Variants in SPACA6 observed in about 807,000 individuals in gnomAD.
The protein encoded by SPACA6 is sperm acrosome associated 6.
For synonymous variants in SPACA6, 6 were observed against 1.5 expected, an observed-to-expected ratio of 4.05 and a Z score of -2.21; for missense variants, 8 against 2.8, an observed-to-expected ratio of 2.88 and a Z score of -1.34.
intron 1 of SPACA6, 117 bp from the exon 2 acceptor site, chr19:51,694,359 CAG>C (rs2083407547): frequency 2.5e-6 from 1 of 397,694 alleles, no homozygotes; most frequent in Non-Finnish European, 4.4e-6. Flanking sequence ...GGCAAAGAGT[CAG>C]AGAGGGGAGG....
At chr19:51,695,658 GC>G (rs1047981198) in intron 2 of SPACA6, among the ~76,000 whole-genome samples, 2 of 152,206 alleles carry the variant, frequency 1.3e-5, no homozygotes, top group Admixed American at 6.5e-5. Flanking sequence ...TCCAAGAAAT[GC>G]CCTTTCTCCC....
chr19:51,691,254 AAG>A (rs899799553), upstream of SPACA6, among the ~76,000 whole-genome samples: 3 of 150,200 alleles, frequency 2.0e-5, no homozygotes, highest in East Asian at 6.1e-4. Context: ...GAGGGGAGGA[AAG>A]AGAGAGACCT....
chr19:51,702,602 G>T (rs2083477990), intron 3 of SPACA6, 27 bp from the exon 4 acceptor site: 2 of 399,110 alleles, frequency 5.0e-6, no homozygotes, highest in Non-Finnish European at 8.8e-6. Context: ...TGACTGTAAG[G>T]TAGTGATGTT....
In SPACA6 at chr19:51,694,473, G is replaced by T. The variant is rs751625778; in HGVS notation, c.215-5G>T. 1.0e-5 allele frequency: 4 copies of T among 399,598 alleles called. No homozygotes were observed. The highest frequency in any genetic ancestry group is 2.5e-4 in the South Asian group (2 of 7,912). The allele number at this position is 399,598 out of a possible 1,614,324, so 24.8% of individuals were successfully genotyped here. A position where few individuals can be genotyped will look rare whatever the true frequency, so the allele number is the denominator to read the frequency against. ...CCCAGCCCCTGCTCCCTCCCTCACC[G>T]CCAGACTATGATGAGAGAAGCCACC... On this transcript the variant is annotated splice_region_variant and splice_polypyrimidine_tract_variant and intron_variant, in intron 1 of 8. Coordinates refer to ENST00000637797, the MANE Select transcript of SPACA6 (RefSeq NM_001316972.2).
rs2083482665 is a variant in SPACA6, at chr19:51,703,109, G to A, written c.463+11G>A. ...CGCTGGACTGCCCAGGTGAGGGGGC[G>A]GGGCCTCGGGGTGCAGGAGGCCAAC... On this transcript the variant is annotated intron_variant, in intron 5 of 8. Transcript: ENST00000637797. The surrounding 1 kb of genome is among the most constrained non-coding windows in gnomAD (Gnocchi z 4.2). The A allele has an allele frequency of 1.5e-5, 6 of 399,488 alleles. No individual in the cohort carries two copies. The South Asian group carries it at 3.8e-4, about 25-fold the overall frequency. 24.7% of individuals were successfully genotyped at this position (399,488 alleles called of 1,614,324 possible).
At chr19:51,704,714 A>AC (rs2083501645) in intron 8 of SPACA6, 1 of 383,540 alleles carries the variant, frequency 2.6e-6, no homozygotes, top group Admixed American at 4.6e-5. Context: ...CCTCCCTCAG[A>AC]CCCAGGAGTC....
At chr19:51,712,022 C>A (rs1366854840) in intron 2 of SPACA6, 2 of 151,846 alleles carry the variant, frequency 1.3e-5, no homozygotes, top group Admixed American at 1.3e-4. Context: ...TTGTACACTT[C>A]TTTTTTTTAG....
upstream of SPACA6, chr19:51,693,090 T>G: frequency 2.7e-6 from 1 of 365,418 alleles, no homozygotes; most frequent in South Asian, 2.2e-5. Flanking sequence ...ATCCTCTGAC[T>G]CCCTCTTATT....
intron 2 of SPACA6, among the ~76,000 whole-genome samples, chr19:51,697,641 AC>A (rs200939908): frequency 0.017 from 2,619 of 152,192 alleles, 36 homozygotes; most frequent in Non-Finnish European, 0.029. Flanking sequence ...ATCAAGGATG[AC>A]TTTTGCGTCT....
intron 2 of SPACA6, among the ~76,000 whole-genome samples, chr19:51,698,465 A>G (rs1349037636): frequency 6.6e-6 from 1 of 152,114 alleles, no homozygotes; most frequent in Non-Finnish European, 1.5e-5. Context: ...CACCCTGCCC[A>G]TGAGTCATTT....
intron 2 of SPACA6, among the ~76,000 whole-genome samples, chr19:51,699,300 T>A (rs941160182): frequency 2.0e-5 from 3 of 152,170 alleles, no homozygotes; most frequent in Admixed American, 1.3e-4. Flanking sequence ...CGGTACCACC[T>A]CCCTTTTAAG....
chr19:51,710,271 C>T (rs998436382), downstream of SPACA6, among the ~76,000 whole-genome samples: 9 of 152,182 alleles, frequency 5.9e-5, no homozygotes, highest in African/African-American at 1.9e-4. Flanking sequence ...TGTTTCTATA[C>T]TTGCAGACTT....
At chr19:51,712,527 G>A (rs1017113131), downstream of SPACA6, 5 of 151,624 alleles carry the variant, frequency 3.3e-5, no homozygotes, top group East Asian at 4.0e-4. Flanking sequence ...GAGAACTGAC[G>A]GAGGATCAGG....
At chr19:51,692,281 G>T (rs2083380616), upstream of SPACA6, among the ~76,000 whole-genome samples, 1 of 152,168 alleles carries the variant, frequency 6.6e-6, no homozygotes, top group Non-Finnish European at 1.5e-5. This position sits in a 1 kb window ranked among gnomAD's most constrained non-coding sequence, Gnocchi z 5.6. Context: ...ATCAGGCCAT[G>T]CCTTCCCCAG....
intron 1 of SPACA6, 144 bp from the exon 2 acceptor site, chr19:51,694,334 G>A: frequency 3.4e-6 from 1 of 293,258 alleles, no homozygotes; most frequent in Non-Finnish European, 6.0e-6. Flanking sequence ...GACTCAGGAA[G>A]CATAGCGACT....
At chr19:51,701,795 G>A (rs936490279) in intron 3 of SPACA6, 69 bp downstream of exon 3, 2 of 392,606 alleles carry the variant, frequency 5.1e-6, no homozygotes, top group Non-Finnish European at 9.0e-6. Flanking sequence ...ACTTTTGGCC[G>A]GGGATGGTGG....
At chr19:51,704,209 G>A (rs2083494930) in intron 7 of SPACA6, 23 bp downstream of exon 7, 3 of 401,020 alleles carry the variant, frequency 7.5e-6, no homozygotes, top group Middle Eastern at 3.1e-4. Flanking sequence ...GCGGCCGCGT[G>A]AGTGAGCGGG....
intron 1 of SPACA6, 198 bp downstream of exon 1, chr19:51,693,938 G>A (rs2083400361): frequency 5.2e-6 from 2 of 385,304 alleles, no homozygotes; most frequent in Non-Finnish European, 9.2e-6. Context: ...ACTCAGAGAG[G>A]GGAGGATGGA....
chr19:51,691,454 A>G (rs1307543552), upstream of SPACA6, among the ~76,000 whole-genome samples: 2 of 141,384 alleles, frequency 1.4e-5, no homozygotes, highest in East Asian at 4.3e-4. Flanking sequence ...AGAATGAGAG[A>G]GACAAAGAGG....
Sources: gnomAD v4.1 joint callset for allele counts (sites outside exome capture counted in the v4.1 genomes callset) on GRCh38, gnomAD v4.1.1 for gene constraint, Gnocchi (gnomAD v3.1) non-coding constraint, MANE v1.5 for transcripts, NCBI Gene and HGNC (gene_info 2026-07-23, HGNC 2026-07-21) for gene names.